The following RSPH1 variants were observed in gnomAD, a reference collection of about 807,000 sequenced individuals.
The protein encoded by RSPH1 is radial spoke head 1 homolog.
RSPH1 carries 32 observed loss-of-function variants against 44.2 expected under a neutral mutation model. That is an observed-to-expected ratio of 0.72 (90% CI 0.55 to 0.97). The LOEUF (loss-of-function observed/expected upper bound fraction) is 0.97, where lower values mean the gene tolerates loss of function less well. Ranked by LOEUF, RSPH1 falls within the 50% of genes least tolerant of loss-of-function variation. The probability of loss-of-function intolerance (pLI) is 0.00; values close to 1 mark genes in which losing one functional copy is unlikely to be tolerated. For missense variants in RSPH1, 391 were observed against 398.7 expected, an observed-to-expected ratio of 0.98 and a Z score of 0.16; for synonymous variants, 134 against 147.3, an observed-to-expected ratio of 0.91 and a Z score of 0.65.
intron 8 of RSPH1, among the ~76,000 whole-genome samples, chr21:42,473,489 TAAAAAA>T (rs5844123): frequency 1.6e-5 from 2 of 125,492 alleles, no homozygotes; most frequent in Admixed American, 1.6e-4. Context: ...GATTCCATCT[TAAAAAA>T]AAAAAAAAAA....
At chr21:42,479,363 G>C (rs867630202) in intron 6 of RSPH1, among the ~76,000 whole-genome samples, 2 of 152,100 alleles carry the variant, frequency 1.3e-5, no homozygotes, top group African/African-American at 4.8e-5. Context: ...ACAGGACTTG[G>C]GGCTTATATC....
At chr21:42,473,009 A>G (rs759042313) in intron 8 of RSPH1, 139 bp from the exon 9 acceptor site, 10 of 615,216 alleles carry the variant, frequency 1.6e-5, no homozygotes, top group Non-Finnish European at 2.8e-5. Context: ...TGAATGTTAA[A>G]TTTTATCTCA....
Position 42,485,754 on chromosome 21 carries a change from C to T in RSPH1, c.416G>A (p.Gly139Asp), listed in dbSNP as rs1483158367. ...LYAETGSKYVGTWVNGQQEGT... is the reference protein window; with the variant it reads ...LYAETGSKYVDTWVNGQQEGT... ...CTCCTGCTGTCCGTTCACCCAGGTG[C>T]CAACATACTTACTGCCCGTCTCCGC... Residue 139 changes from glycine (G) to aspartate (D), a missense_variant, in exon 5 of 9, where the codon GGC (glycine) becomes GAC (aspartate). Physicochemically the swap from Gly to Asp is moderately conservative, Grantham distance 94 (BLOSUM62 -1). Coordinates refer to ENST00000291536, the MANE Select transcript of RSPH1 (RefSeq NM_080860.4). 1.1e-5 allele frequency: 17 copies of T among 1,614,068 alleles called. No individual in the cohort carries two copies. The highest frequency in any genetic ancestry group is 1.3e-5 in the African/African-American group (1 of 74,920).
chr21:42,482,663 G>A lies in RSPH1; in HGVS notation c.547C>T (p.His183Tyr). 1.2e-6 allele frequency: 2 copies of A among 1,613,268 alleles called. No individual in the cohort carries two copies. The highest frequency in any genetic ancestry group is 2.2e-5 in the South Asian group (2 of 90,938). The change falls in exon 6 of 9, where the codon CAT becomes TAT. Residue 183 changes from histidine (H) to tyrosine (Y), a missense_variant. Transcript: ENST00000291536. Reference protein sequence around the residue: ...KYVFDVGCEQHGEYRLTDMER... With the variant: ...KYVFDVGCEQYGEYRLTDMER... ...ATATCTGTTAAACGATATTCACCAT[G>A]TTGTTCACACCCAACATCAAATACA... is the stretch of plus-strand genomic sequence containing the variant.
rs368421971 is a variant in RSPH1, at chr21:42,493,087, A to G, written c.55-8T>C. The G allele has an allele frequency of 9.9e-6, 16 of 1,609,948 alleles. No individual in the cohort carries two copies. The African/African-American group carries it at 1.9e-4, about 19-fold the overall frequency. On this transcript the variant is annotated splice_region_variant and splice_polypyrimidine_tract_variant and intron_variant, in intron 1 of 8. Transcript: ENST00000291536. ...CCGACCCCCCTCATATTCCTGGGTAATGAAAATTGACACAATTACAGCTAC... is the reference window on the plus strand; with the variant it reads ...CCGACCCCCCTCATATTCCTGGGTAGTGAAAATTGACACAATTACAGCTAC...
intron 1 of RSPH1, among the ~76,000 whole-genome samples, chr21:42,494,704 A>AT (rs113496002): frequency 0.22 from 32,391 of 145,590 alleles, 4,039 homozygotes; most frequent in African/African-American, 0.35. Context: ...TGAACAAGTG[A>AT]TTTTTTTTTT....
chr21:42,487,239 A>G (rs761983074), intron 3 of RSPH1, among the ~76,000 whole-genome samples: 2 of 152,258 alleles, frequency 1.3e-5, no homozygotes, highest in African/African-American at 2.4e-5. Context: ...CAACCACAGT[A>G]TGAATCCCTG....
chr21:42,496,147 C>G lies in RSPH1; in HGVS notation c.40G>C (p.Glu14Gln). ...GGAGCTCTCACCCCAATATCATTCT[C>G]TCCCTCCTCCTCCAACTCCTCCGAG... is the stretch of plus-strand genomic sequence containing the variant. ...LGSEELEEEG[E>Q]NDIGEYEGGR... is the part of the protein sequence containing the mutation. The change falls in exon 1 of 9, where the codon GAG becomes CAG. Residue 14 changes from glutamate (E) to glutamine (Q), a missense_variant. Physicochemically the swap from Glu to Gln is conservative, Grantham distance 29 (BLOSUM62 2). Coordinates refer to ENST00000291536, the MANE Select transcript of RSPH1 (RefSeq NM_080860.4). 6.2e-7 allele frequency: 1 copy of G among 1,614,206 alleles called. No individual in the cohort carries two copies. The highest frequency in any genetic ancestry group is 8.5e-7 in the Non-Finnish European group (1 of 1,180,016).
chr21:42,476,767 G>A (rs1053029512), intron 7 of RSPH1, among the ~76,000 whole-genome samples: 2 of 152,042 alleles, frequency 1.3e-5, no homozygotes, highest in South Asian at 2.1e-4. Flanking sequence ...CCACACCTCC[G>A]CCTCTGTCCA....
chr21:42,486,591 G>A (rs2054183264), intron 3 of RSPH1, 130 bp from the exon 4 acceptor site: 3 of 674,086 alleles, frequency 4.5e-6, no homozygotes, highest in Non-Finnish European at 8.2e-6. Context: ...GCACACACAG[G>A]CCCCTTCTGC....
At chr21:42,491,855 G>A (rs1363109339) in intron 3 of RSPH1, among the ~76,000 whole-genome samples, 3 of 152,176 alleles carry the variant, frequency 2.0e-5, no homozygotes, top group Non-Finnish European at 4.4e-5. Context: ...CACAGTCCTA[G>A]CCCCAGTTAC....
chr21:42,488,414 T>G (rs1044684292), intron 3 of RSPH1, among the ~76,000 whole-genome samples: 1 of 152,138 alleles, frequency 6.6e-6, no homozygotes, highest in Admixed American at 6.5e-5. Flanking sequence ...TTTTGTGAGC[T>G]ACTATGAGGG....
Position 42,496,087 on chromosome 21 carries a change from C to G in RSPH1, c.54+46G>C, listed in dbSNP as rs374674695. The G allele has an allele frequency of 4.3e-6, 7 of 1,610,004 alleles. No individual in the cohort carries two copies. The African/African-American group carries it at 9.4e-5, about 22-fold the overall frequency. On this transcript the variant is annotated intron_variant, in intron 1 of 8. Coordinates refer to ENST00000291536, the MANE Select transcript of RSPH1 (RefSeq NM_080860.4). ...TCCAAACCCAACCTCGAGGTTCCCC[C>G]GCCGCTGCGCACCCTGGGAAGCCCT... is the stretch of plus-strand genomic sequence containing the variant.
chr21:42,475,659 C>G (rs1347202072), intron 8 of RSPH1, among the ~76,000 whole-genome samples: 1 of 142,970 alleles, frequency 7.0e-6, no homozygotes, highest in South Asian at 2.8e-4. Flanking sequence ...CCTGTGACAA[C>G]GCGCATGGGC....
intron 6 of RSPH1, among the ~76,000 whole-genome samples, chr21:42,477,854 T>C (rs1022189715): frequency 1.3e-5 from 2 of 152,198 alleles, no homozygotes; most frequent in African/African-American, 4.8e-5. Flanking sequence ...AAATCGTGTA[T>C]TATATAATTA....
At chr21:42,478,550 G>A (rs537636211) in intron 6 of RSPH1, among the ~76,000 whole-genome samples, 3 of 152,226 alleles carry the variant, frequency 2.0e-5, no homozygotes, top group Admixed American at 6.5e-5. Context: ...GGAACTGCAC[G>A]CCACTTTATG....
At chr21:42,475,338 G>T (rs189439480) in intron 8 of RSPH1, among the ~76,000 whole-genome samples, 1 of 152,188 alleles carries the variant, frequency 6.6e-6, no homozygotes, top group African/African-American at 2.4e-5. Flanking sequence ...AGGCCGAGGC[G>T]GGCCTCCTGT....
intron 3 of RSPH1, among the ~76,000 whole-genome samples, chr21:42,491,612 G>A (rs537758173): frequency 6.6e-6 from 1 of 152,312 alleles, no homozygotes; most frequent in African/African-American, 2.4e-5. Context: ...TTCTTATAGA[G>A]CAAGCCTTCT....
chr21:42,473,846 C>T (rs1170112271), intron 8 of RSPH1, among the ~76,000 whole-genome samples: 1 of 152,120 alleles, frequency 6.6e-6, no homozygotes, highest in Non-Finnish European at 1.5e-5. Flanking sequence ...CAGGAAGATG[C>T]CAGCAGCACC....
Sources: gnomAD v4.1 joint callset for allele counts (sites outside exome capture counted in the v4.1 genomes callset) on GRCh38, gnomAD v4.1.1 for gene constraint, MANE v1.5 for transcripts, NCBI Gene and HGNC (gene_info 2026-07-23, HGNC 2026-07-21) for gene names.